Variants in ANKS1B observed in about 807,000 individuals in gnomAD.
The protein encoded by ANKS1B is ankyrin repeat and sterile alpha motif domain-containing protein 1B.
In ANKS1B, 36 loss-of-function variants were observed where a neutral mutation model predicts 148.3. The observed-to-expected ratio is 0.24, with a 90% CI of 0.19 to 0.32. The LOEUF (loss-of-function observed/expected upper bound fraction) is 0.32. Among genes scored for constraint, ANKS1B ranks in the 10% least tolerant of loss-of-function variants. The pLI is 1.00. For synonymous variants in ANKS1B, 542 were observed against 560.8 expected (o/e 0.97, Z 0.47); for missense variants, 1,157 against 1,542.6 (o/e 0.75, Z 4.19).
intron 12 of ANKS1B, among the ~76,000 whole-genome samples, chr12:99,359,434 A>G (rs11608318): frequency 0.13 from 19,178 of 152,072 alleles, 1,289 homozygotes; most frequent in African/African-American, 0.18. Context: ...ATTACTTTCT[A>G]AAAAGATTGA....
Position 99,280,686 on chromosome 12 carries a change from C to T in ANKS1B, c.1757-33822G>A, listed in dbSNP as rs369828114. Among the ~76,000 whole-genome samples the T allele has an allele frequency of 3.3e-5, 5 of 152,208 alleles. No homozygotes were observed. In the South Asian group the frequency reaches 6.2e-4, roughly 19 times the overall value. On this transcript the variant is annotated intron_variant, in intron 12 of 26. Coordinates refer to ENST00000683438, the MANE Select transcript of ANKS1B (RefSeq NM_001352186.2). ...AAAAAGGCCGAGTGAAAAGGAATTC[C>T]CATTACCTGACTGCCTTTGGGCTAA...
At chr12:99,010,761 T>TTA (rs1332033343) in intron 17 of ANKS1B, among the ~76,000 whole-genome samples, 13 of 120,140 alleles carry the variant, frequency 1.1e-4, no homozygotes, top group African/African-American at 5.0e-4. Context: ...ATTATTATTA[T>TTA]TTTTTTTTGA....
intron 1 of ANKS1B, among the ~76,000 whole-genome samples, chr12:99,975,097 A>G (rs1215974443): frequency 6.6e-6 from 1 of 152,124 alleles, no homozygotes; most frequent in African/African-American, 2.4e-5. Flanking sequence ...AGGCTGCAGT[A>G]AGCTGTGATT....
At chr12:99,944,460 C>G (rs566254763) in intron 1 of ANKS1B, among the ~76,000 whole-genome samples, 1 of 152,270 alleles carries the variant, frequency 6.6e-6, no homozygotes, top group South Asian at 2.1e-4. Context: ...CCTAGCCACA[C>G]AGACATGGAA....
intron 16 of ANKS1B, chr12:99,080,056 G>C (rs754704578): frequency 2.0e-5 from 3 of 152,280 alleles, no homozygotes; most frequent in Non-Finnish European, 4.4e-5. Context: ...GGGAAGCCCC[G>C]CCCCCAGAAT....
At chr12:99,591,015 G>A (rs2097697409) in intron 9 of ANKS1B, among the ~76,000 whole-genome samples, 1 of 149,852 alleles carries the variant, frequency 6.7e-6, no homozygotes, top group Admixed American at 6.8e-5. Context: ...TATATTTTAA[G>A]TTCTTTCGGG....
intron 12 of ANKS1B, among the ~76,000 whole-genome samples, chr12:99,383,740 G>T (rs976512017): frequency 6.6e-6 from 1 of 151,912 alleles, no homozygotes; most frequent in Middle Eastern, 3.4e-3. Flanking sequence ...TAGGCTGAGT[G>T]CAGTGCGCAT....
At chr12:99,516,524 G>A (rs1867212816) in intron 9 of ANKS1B, among the ~76,000 whole-genome samples, 2 of 152,050 alleles carry the variant, frequency 1.3e-5, no homozygotes. Flanking sequence ...TCACTCATAA[G>A]TGGGAGCTAA....
intron 17 of ANKS1B, among the ~76,000 whole-genome samples, chr12:98,936,379 A>G (rs1376101179): frequency 6.6e-6 from 1 of 152,220 alleles, no homozygotes; most frequent in African/African-American, 2.4e-5. Context: ...CTGTAATCCC[A>G]GCACTTTGGG....
intron 15 of ANKS1B, among the ~76,000 whole-genome samples, chr12:99,107,764 T>C (rs931395887): frequency 7.9e-5 from 12 of 152,160 alleles, no homozygotes; most frequent in African/African-American, 2.9e-4. Context: ...CCTTCCTCTG[T>C]CAGGCTGCAA....
chr12:99,101,753 G>A (rs751032958), intron 15 of ANKS1B, among the ~76,000 whole-genome samples: 1 of 152,132 alleles, frequency 6.6e-6, no homozygotes, highest in African/African-American at 2.4e-5. Context: ...GTAAAGACAG[G>A]GTTTCACCAT....
Position 99,414,613 on chromosome 12 carries a change from T to C in ANKS1B, c.1576-14802A>G, listed in dbSNP as rs143894834. On this transcript the variant is annotated intron_variant, in intron 11 of 26. Coordinates refer to ENST00000683438, the MANE Select transcript of ANKS1B (RefSeq NM_001352186.2). The stretch of plus-strand genomic sequence containing the variant: ...ACCAAACACCACATGTTCTCACTCA[T>C]AAATGGGAGTTGAACAATTAGAACA... Among the ~76,000 whole-genome samples, 465 of 152,140 alleles carry C rather than the reference T, an allele frequency of 3.1e-3. 23 individuals are homozygous for C. In the East Asian group the frequency reaches 0.069, roughly 23 times the overall value.
rs574873026 is a variant in ANKS1B at position 99,678,646 on chromosome 12, T to TA, written c.1129-23437dup. On this transcript the variant is annotated intron_variant, in intron 8 of 26. Transcript: ENST00000683438. The stretch of plus-strand genomic sequence containing the variant: ...AATCCATCCCTGATTGCACCAAACT[T>TA]AAAAAAAAATCTCTTTTTCTAAGCC... Among the ~76,000 whole-genome samples the TA allele has an allele frequency of 2.1e-3, 311 of 151,584 alleles. 3 individuals carry two copies. Among genetic ancestry groups the TA allele is most frequent in the Middle Eastern group, 3.4e-3 (1 of 292 alleles).
rs186735426 is a variant in ANKS1B at position 99,604,739 on chromosome 12, C to T, written c.1272+50328G>A. 3.1e-3 allele frequency among the ~76,000 whole-genome samples: 450 copies of T among 147,526 alleles called. 2 individuals are homozygous for T. The highest frequency in any genetic ancestry group is 0.01 in the African/African-American group (407 of 39,886). ...CTGAAGCAGGAGAATTGTTTGAACC[C>T]GGGAGGTGGAGGTTGCAGTGAGCTG... On this transcript the variant is annotated intron_variant, in intron 9 of 26. Coordinates refer to ENST00000683438, the MANE Select transcript of ANKS1B (RefSeq NM_001352186.2).
intron 12 of ANKS1B, among the ~76,000 whole-genome samples, chr12:99,338,344 G>A (rs1176246212): frequency 6.6e-6 from 1 of 152,126 alleles, no homozygotes; most frequent in Non-Finnish European, 1.5e-5. Context: ...GGCTATTGCC[G>A]ATATTCACTC....
At chr12:99,546,254 T>C (rs1474671332) in intron 9 of ANKS1B, among the ~76,000 whole-genome samples, 1 of 152,114 alleles carries the variant, frequency 6.6e-6, no homozygotes, top group Non-Finnish European at 1.5e-5. Context: ...TAAAACAAAG[T>C]GAATTAATCA....
intron 17 of ANKS1B, among the ~76,000 whole-genome samples, chr12:98,894,026 G>A (rs1403342717): frequency 1.3e-5 from 2 of 152,166 alleles, no homozygotes; most frequent in African/African-American, 2.4e-5. Context: ...GACCTTCACC[G>A]AAGCAGCAAA....
chr12:99,049,059 G>T (rs1427511442), intron 17 of ANKS1B: 6 of 152,206 alleles, frequency 3.9e-5, no homozygotes, highest in Non-Finnish European at 8.8e-5. Flanking sequence ...GAAGCCTTCG[G>T]CTTTGATTAA....
At chr12:99,563,546 G>A (rs1260018163) in intron 9 of ANKS1B, among the ~76,000 whole-genome samples, 2 of 152,066 alleles carry the variant, frequency 1.3e-5, no homozygotes, top group African/African-American at 4.8e-5. Context: ...CCTATAATGG[G>A]CACAGTTGTG....
Sources: gnomAD v4.1 joint callset for allele counts (sites outside exome capture counted in the v4.1 genomes callset) on GRCh38, gnomAD v4.1.1 for gene constraint, MANE v1.5 for transcripts, NCBI Gene and HGNC (gene_info 2026-07-23, HGNC 2026-07-21) for gene names.